CDH18: variants seen among roughly 807,000 people sequenced by gnomAD.
The protein encoded by CDH18 is cadherin 18.
CDH18 carries 31 observed loss-of-function variants against 67.9 expected under a neutral mutation model. The observed-to-expected ratio is 0.46, with a 90% CI of 0.34 to 0.62. The LOEUF (loss-of-function observed/expected upper bound fraction) is 0.62, where lower values mean the gene tolerates loss of function less well. CDH18 is among the 20% of genes least tolerant of loss of function. CDH18 has a pLI of 0.01. For missense variants in CDH18, 890 were observed against 975.5 expected (o/e 0.91, Z 1.17); for synonymous variants, 362 against 347.2 (o/e 1.04, Z -0.48).
At chr5:19,490,948 C>T (rs1189573083) in intron 11 of CDH18, among the ~76,000 whole-genome samples, 2 of 151,996 alleles carry the variant, frequency 1.3e-5, no homozygotes, top group African/African-American at 4.8e-5. Flanking sequence ...AGAGAGAGAA[C>T]AAAAGCATAT....
At chr5:20,253,483 T>C (rs1683027900) in intron 2 of CDH18, among the ~76,000 whole-genome samples, 1 of 152,096 alleles carries the variant, frequency 6.6e-6, no homozygotes. Context: ...CAGGAAAACA[T>C]TCAAACCCCA....
intron 1 of CDH18, among the ~76,000 whole-genome samples, chr5:20,302,959 G>C (rs1036808455): frequency 4.0e-5 from 6 of 151,876 alleles, no homozygotes; most frequent in Non-Finnish European, 7.4e-5. Context: ...GCATAACCCT[G>C]GCTCCCTTCC....
intron 1 of CDH18, among the ~76,000 whole-genome samples, chr5:20,341,522 T>C (rs186665187): frequency 4.1e-4 from 51 of 125,204 alleles, no homozygotes; most frequent in African/African-American, 1.5e-3. Flanking sequence ...AGGAAACTCT[T>C]TCTAATATAT....
At chr5:19,637,794 T>C (rs781003117) in intron 5 of CDH18, among the ~76,000 whole-genome samples, 3 of 152,156 alleles carry the variant, frequency 2.0e-5, no homozygotes, top group African/African-American at 4.8e-5. Flanking sequence ...ACTCCTTGGA[T>C]ATAAATTCCC....
intron 5 of CDH18, among the ~76,000 whole-genome samples, chr5:19,692,471 G>A (rs1762024654): frequency 6.6e-6 from 1 of 151,886 alleles, no homozygotes; most frequent in Non-Finnish European, 1.5e-5. Flanking sequence ...TAAAATATTT[G>A]CAAATTATTT....
chr5:20,071,006 C>T (rs1229166040), intron 2 of CDH18, among the ~76,000 whole-genome samples: 1 of 152,046 alleles, frequency 6.6e-6, no homozygotes, highest in Non-Finnish European at 1.5e-5. Flanking sequence ...CGTATTTAGC[C>T]TGATTCTTCT....
chr5:20,404,102 C>T (rs1344732620), intron 1 of CDH18, among the ~76,000 whole-genome samples: 1 of 152,194 alleles, frequency 6.6e-6, no homozygotes, highest in Non-Finnish European at 1.5e-5. Flanking sequence ...AACTTTTCTT[C>T]TGCTGCTTTC....
intron 1 of CDH18, among the ~76,000 whole-genome samples, chr5:20,263,298 G>GA (rs1023184907): frequency 2.1e-4 from 32 of 150,458 alleles, no homozygotes; most frequent in Admixed American, 4.0e-4. Flanking sequence ...CGTAGTGTCA[G>GA]AAAAAAAAAT....
chr5:20,525,519 T>C (rs1022645982), intron 1 of CDH18, among the ~76,000 whole-genome samples: 2 of 152,080 alleles, frequency 1.3e-5, no homozygotes, highest in African/African-American at 4.8e-5. Flanking sequence ...TGCCCTGCCT[T>C]CTTCCTGCAG....
At chr5:20,349,320 T>C (rs1222046067) in intron 1 of CDH18, among the ~76,000 whole-genome samples, 1 of 152,172 alleles carries the variant, frequency 6.6e-6, no homozygotes, top group Non-Finnish European at 1.5e-5. Flanking sequence ...GATCGAATTT[T>C]AGTATGATGT....
At chr5:20,260,785 G>C (rs1410716678) in intron 1 of CDH18, among the ~76,000 whole-genome samples, 1 of 152,110 alleles carries the variant, frequency 6.6e-6, no homozygotes, top group African/African-American at 2.4e-5. Context: ...TTTTGGTTAG[G>C]TCCTAAGGGC....
At chr5:20,160,376 T>C (rs537952314) in intron 2 of CDH18, among the ~76,000 whole-genome samples, 150 of 152,282 alleles carry the variant, frequency 9.9e-4, no homozygotes, top group South Asian at 5.0e-3. Context: ...TAGATTCAGA[T>C]AGCTTTCTCT....
At chr5:19,477,404 A>C (rs1338361041) in intron 12 of CDH18, among the ~76,000 whole-genome samples, 3 of 151,858 alleles carry the variant, frequency 2.0e-5, no homozygotes, top group African/African-American at 4.8e-5. Flanking sequence ...GACAAACAAA[A>C]AAAAAATCTC....
chr5:20,322,170 G>A (rs1738094163), intron 1 of CDH18, among the ~76,000 whole-genome samples: 1 of 152,066 alleles, frequency 6.6e-6, no homozygotes, highest in Non-Finnish European at 1.5e-5. Flanking sequence ...CAGGTGTTAA[G>A]AAGAATCTGA....
chr5:19,742,417 C>CAA (rs72003273), intron 4 of CDH18, among the ~76,000 whole-genome samples: 1 of 151,868 alleles, frequency 6.6e-6, no homozygotes, highest in Non-Finnish European at 1.5e-5. Context: ...TACACACACA[C>CAA]ACACACACAC....
At chr5:20,301,179 G>GTTTGTTTT (rs1051570167) in intron 1 of CDH18, among the ~76,000 whole-genome samples, 1 of 151,588 alleles carries the variant, frequency 6.6e-6, no homozygotes, top group African/African-American at 2.4e-5. Flanking sequence ...GTGTTTTTTT[G>GTTTGTTTT]TTTTTTTGTT....
At chr5:20,305,786 C>T (rs112712135) in intron 1 of CDH18, 3,965 of 261,516 alleles carry the variant, frequency 0.015, 85 homozygotes, top group African/African-American at 0.054. Flanking sequence ...CGAATCTACC[C>T]CCAAAACCAA....
chr5:20,166,692 T>G (rs113226224), intron 2 of CDH18, among the ~76,000 whole-genome samples: 1 of 152,232 alleles, frequency 6.6e-6, no homozygotes, highest in Non-Finnish European at 1.5e-5. Context: ...AGATGGTTCT[T>G]GCTGACTTGT....
chr5:20,166,286 A>G (rs1356122330), intron 2 of CDH18, among the ~76,000 whole-genome samples: 1 of 151,534 alleles, frequency 6.6e-6, no homozygotes, highest in Non-Finnish European at 1.5e-5. Flanking sequence ...ACTAAAAATA[A>G]AAAAGATAGC....
Sources: gnomAD v4.1 joint callset for allele counts (sites outside exome capture counted in the v4.1 genomes callset) on GRCh38, gnomAD v4.1.1 for gene constraint, MANE v1.5 for transcripts, NCBI Gene and HGNC (gene_info 2026-07-23, HGNC 2026-07-21) for gene names.